The following KRT82 variants were observed in gnomAD, a reference collection of about 807,000 sequenced individuals.
KRT82 encodes keratin, type II cuticular Hb2.
KRT82 carries 44 observed loss-of-function variants against 48.0 expected under a neutral mutation model. The ratio of observed to expected loss-of-function variants is 0.92; its 90% CI spans 0.72 to 1.18. The LOEUF (loss-of-function observed/expected upper bound fraction) is 1.18, where lower values mean the gene tolerates loss of function less well. Ranked by LOEUF, KRT82 falls within the 50% of genes most tolerant of loss-of-function variation. The probability of loss-of-function intolerance (pLI) is 0.00; values close to 1 mark genes in which losing one functional copy is unlikely to be tolerated. For missense variants in KRT82, 701 were observed against 671.4 expected (o/e 1.04, Z -0.49); for synonymous variants, 297 against 278.3 (o/e 1.07, Z -0.67).
Position 52,394,989 on chromosome 12 carries a change from T to C in KRT82, c.1528A>G (p.Ser510Gly). The change falls in exon 9 of 9, where the codon AGC (serine) becomes GGC (glycine). Residue 510 changes from serine to glycine, a missense_variant. Coordinates refer to ENST00000257974, the MANE Select transcript of KRT82 (RefSeq NM_033033.4). ...MTLGAGGSSP[S>G]HKH ...CTCGGATCATGCTAATGCTTGTGGC[T>C]GGGGGAGCTGCCCCCAGCTCCTAGC... is the stretch of plus-strand genomic sequence containing the variant. The C allele has an allele frequency of 6.2e-7, 1 of 1,613,316 alleles. No individual in the cohort carries two copies. Among genetic ancestry groups the C allele is most frequent in the Non-Finnish European group, 8.5e-7 (1 of 1,179,760 alleles).
In KRT82 at chr12:52,403,833, G is replaced by C; in HGVS notation, c.488C>G (p.Thr163Ser). The C allele has an allele frequency of 6.2e-7, 1 of 1,613,940 alleles. No individual in the cohort carries two copies. Among genetic ancestry groups the C allele is most frequent in the Non-Finnish European group, 8.5e-7 (1 of 1,180,010 alleles). The part of the protein sequence containing the change: ...NFMQQQRCCQ[T>S]NIEPIFEGYI... ...GCCCTCGAAGATGGGCTCGATGTTGGTCTGGCAGCACCTCTGCTGCTGCAT... is the reference window on the plus strand; with the variant it reads ...GCCCTCGAAGATGGGCTCGATGTTGCTCTGGCAGCACCTCTGCTGCTGCAT... The change falls in exon 2 of 9, where the codon ACC becomes AGC. Residue 163 changes from threonine (T) to serine (S), a missense_variant. By Grantham distance (58) the Thr-to-Ser change is moderately conservative. Coordinates refer to ENST00000257974, the MANE Select transcript of KRT82 (RefSeq NM_033033.4).
In KRT82 at chr12:52,394,862, G is replaced by C. The variant is rs1474089009; in HGVS notation, c.*113C>G. The C allele has an allele frequency of 2.2e-6, 2 of 889,486 alleles. No homozygotes were observed. Among genetic ancestry groups the C allele is most frequent in the Non-Finnish European group, 3.6e-6 (2 of 551,282 alleles). The allele number at this position is 889,486 out of a possible 1,614,324, so 55.1% of individuals were successfully genotyped here. On this transcript the variant is annotated 3_prime_UTR_variant, in exon 9 of 9. Transcript: ENST00000257974. Reference sequence around the variant, plus strand: ...GGAGGGAACACTGGAGGGGAATGTGGAGTCAATAAAGGGAGGTGGGGTTTT... The same window carrying C: ...GGAGGGAACACTGGAGGGGAATGTGCAGTCAATAAAGGGAGGTGGGGTTTT...
At position 52,400,070 on chromosome 12, in the gene KRT82, T is replaced by C; in HGVS notation, c.857A>G (p.Asp286Gly). ...KMDNSRELDVDGIIAEIKAQY... is the reference protein window; with the variant it reads ...KMDNSRELDVGGIIAEIKAQY... ...CGCCTTGATCTCAGCGATGATGCCG[T>C]CCACGTCCAGCTCCCGGCTGTTGTC... Residue 286 changes from aspartate to glycine, a missense_variant, in exon 5 of 9, where the codon GAC (aspartate) becomes GGC (glycine). Coordinates refer to ENST00000257974, the MANE Select transcript of KRT82 (RefSeq NM_033033.4). 6.2e-7 allele frequency: 1 copy of C among 1,614,168 alleles called. No homozygotes were observed. Among genetic ancestry groups the C allele is most frequent in the South Asian group, 1.1e-5 (1 of 91,076 alleles).
At chr12:52,400,759 A>T (rs912644926) in intron 3 of KRT82, 137 bp from the exon 4 acceptor site, 1 of 627,482 alleles carries the variant, frequency 1.6e-6, no homozygotes, top group South Asian at 1.9e-5. Context: ...CGAGGTGGGG[A>T]AAAAGGGGTC....
intron 3 of KRT82, among the ~76,000 whole-genome samples, 171 bp downstream of exon 3, chr12:52,401,103 TGGGGGAGAGGAGGCC>T (rs898793321): frequency 6.6e-6 from 1 of 151,798 alleles, no homozygotes; most frequent in African/African-American, 2.4e-5. Context: ...GGGACAAAGT[TGGGGGAGAGGAGGCC>T]GGCCTTCCTC....
Position 52,406,077 on chromosome 12 carries a change from T to C in KRT82, c.201A>G (p.Val67=). The change falls in exon 1 of 9, where the codon GTA becomes GTG. Residue 67 remains valine (V), a synonymous_variant. Transcript: ENST00000257974. ...GCAGGGTACCTCCACACCTGGAGGCTACCCGGGGCCTCCCAAAGCCCACGT... is the reference window on the plus strand; with the variant it reads ...GCAGGGTACCTCCACACCTGGAGGCCACCCGGGGCCTCCCAAAGCCCACGT... ...LCNVGFGRPR[V]ASRCGGTLPG... The C allele has an allele frequency of 6.2e-7, 1 of 1,613,742 alleles. No individual in the cohort carries two copies. Among genetic ancestry groups the C allele is most frequent in the African/African-American group, 1.3e-5 (1 of 75,056 alleles).
chr12:52,395,459 C>G (rs1004787406), intron 8 of KRT82, among the ~76,000 whole-genome samples: 4 of 152,202 alleles, frequency 2.6e-5, no homozygotes, highest in African/African-American at 9.7e-5. Context: ...ACTGGTCCCT[C>G]CTTCCTAAGC....
chr12:52,401,436 G>T, intron 2 of KRT82, 87 bp from the exon 3 acceptor site: 1 of 1,307,362 alleles, frequency 7.6e-7, no homozygotes, highest in Non-Finnish European at 1.1e-6. Flanking sequence ...GGGCAACTCT[G>T]CCTGTCACTG....
chr12:52,395,359 A>G (rs1276894996), intron 8 of KRT82, among the ~76,000 whole-genome samples, 164 bp from the exon 9 acceptor site: 1 of 152,028 alleles, frequency 6.6e-6, no homozygotes, highest in Non-Finnish European at 1.5e-5. Flanking sequence ...AGCCACATAA[A>G]GTGCTTGCAA....
At position 52,394,856 on chromosome 12, in the gene KRT82, A is replaced by G; in HGVS notation, c.*119T>C. 3 of 847,788 alleles carry G rather than the reference A, an allele frequency of 3.5e-6. No homozygotes were observed. The highest frequency in any genetic ancestry group is 1.6e-5 in the South Asian group (1 of 62,970). The allele number at this position is 847,788 out of a possible 1,614,324, so 52.5% of individuals were successfully genotyped here. A position where few individuals can be genotyped will look rare whatever the true frequency, so the allele number is the denominator to read the frequency against. ...TCTCAAGGAGGGAACACTGGAGGGG[A>G]ATGTGGAGTCAATAAAGGGAGGTGG... On this transcript the variant is annotated 3_prime_UTR_variant, in exon 9 of 9. Coordinates refer to ENST00000257974, the MANE Select transcript of KRT82 (RefSeq NM_033033.4).
Position 52,406,244 on chromosome 12 carries a change from A to T in KRT82, c.34T>A (p.Cys12Ser), listed in dbSNP as rs1565784535. ...TATGAGCTGAAACTCTGACTGCCAC[A>T]CCTGGAGCCTGGCTGGAAAGAGTGG... ...SYHSFQPGSR[C>S]GSQSFSSYSA... The change falls in exon 1 of 9, where the codon TGT (cysteine) becomes AGT (serine). Residue 12 changes from cysteine to serine, a missense_variant. Cys to Ser is a moderately radical substitution (Grantham distance 112). Transcript: ENST00000257974. 2 of 1,604,980 alleles carry T rather than the reference A, an allele frequency of 1.2e-6. No individual in the cohort carries two copies. Among genetic ancestry groups the T allele is most frequent in the South Asian group, 1.1e-5 (1 of 90,420 alleles).
rs1939820095 is a variant in KRT82 at position 52,403,841 on chromosome 12, G to A, written c.480C>T (p.Cys160=). 6.2e-7 allele frequency: 1 copy of A among 1,613,962 alleles called. No homozygotes were observed. The highest frequency in any genetic ancestry group is 1.1e-5 in the South Asian group (1 of 91,086). Residue 160 remains cysteine, a synonymous_variant, in exon 2 of 9, where the codon TGC becomes TGT. Transcript: ENST00000257974. ...TKWNFMQQQR[C]CQTNIEPIFE... ...AGATGGGCTCGATGTTGGTCTGGCA[G>A]CACCTCTGCTGCTGCATGAAGTTCC... is the stretch of plus-strand genomic sequence containing the variant.
chr12:52,399,568 T>C (rs1939758679), intron 5 of KRT82, among the ~76,000 whole-genome samples: 1 of 152,236 alleles, frequency 6.6e-6, no homozygotes, highest in Non-Finnish European at 1.5e-5. Context: ...TAATCACTGT[T>C]TCTGCTCTAC....
At position 52,395,996 on chromosome 12, in the gene KRT82, T is replaced by G; in HGVS notation, c.1289+16A>C. 4 of 1,613,670 alleles carry G rather than the reference T, an allele frequency of 2.5e-6. No homozygotes were observed. Among genetic ancestry groups the G allele is most frequent in the Non-Finnish European group, 3.4e-6 (4 of 1,179,976 alleles). On this transcript the variant is annotated intron_variant, in intron 7 of 8. Coordinates refer to ENST00000257974, the MANE Select transcript of KRT82 (RefSeq NM_033033.4). ...ACCTGGTAGCCCATCTTTGACCCCC[T>G]CCTGGAGGAGCTCACCTGTGCTCTT... is the stretch of plus-strand genomic sequence containing the variant.
intron 8 of KRT82, 129 bp downstream of exon 8, chr12:52,395,630 G>A: frequency 1.5e-6 from 1 of 674,276 alleles, no homozygotes; most frequent in Non-Finnish European, 2.5e-6. Context: ...GGAGCTCACG[G>A]CAGACAGAGC....
rs1263356170 is a variant in KRT82 at position 52,403,836 on chromosome 12, T to C, written c.485A>G (p.Gln162Arg). 1 of 1,613,930 alleles carries C rather than the reference T, an allele frequency of 6.2e-7. No homozygotes were observed. Among genetic ancestry groups the C allele is most frequent in the South Asian group, 1.1e-5 (1 of 91,082 alleles). The change falls in exon 2 of 9, where the codon CAG becomes CGG. Residue 162 changes from glutamine (Q) to arginine (R), a missense_variant. By Grantham distance (43) the Gln-to-Arg change is conservative (BLOSUM62 1). Transcript: ENST00000257974. ...WNFMQQQRCCQTNIEPIFEGY... is the reference protein window; with the variant it reads ...WNFMQQQRCCRTNIEPIFEGY... ...CTCGAAGATGGGCTCGATGTTGGTC[T>C]GGCAGCACCTCTGCTGCTGCATGAA...
chr12:52,400,382 A>G, intron 4 of KRT82, 145 bp downstream of exon 4: 1 of 715,636 alleles, frequency 1.4e-6, no homozygotes, highest in Non-Finnish European at 2.3e-6. Context: ...AACTTCTGTG[A>G]GTCTCACCGC....
chr12:52,395,262 T>A, intron 8 of KRT82, 67 bp from the exon 9 acceptor site: 1 of 1,356,220 alleles, frequency 7.4e-7, no homozygotes, highest in Non-Finnish European at 1.0e-6. Context: ...GCCCTGAAAC[T>A]ACTCAGCCAG....
At chr12:52,404,036 A>C in intron 1 of KRT82, 127 bp from the exon 2 acceptor site, 1 of 809,446 alleles carries the variant, frequency 1.2e-6, no homozygotes, top group Non-Finnish European at 1.9e-6. Flanking sequence ...AATTTGCAAA[A>C]ATCAGGGTCT....
Sources: gnomAD v4.1 joint callset for allele counts (sites outside exome capture counted in the v4.1 genomes callset) on GRCh38, gnomAD v4.1.1 for gene constraint, MANE v1.5 for transcripts, NCBI Gene and HGNC (gene_info 2026-07-23, HGNC 2026-07-21) for gene names.